TMEM132D: variants seen among roughly 807,000 people sequenced by gnomAD.
The protein encoded by TMEM132D is transmembrane protein 132D.
In TMEM132D, 21 loss-of-function variants were observed where a neutral mutation model predicts 62.3. The ratio of observed to expected loss-of-function variants is 0.34; its 90% CI spans 0.24 to 0.49. The LOEUF is 0.49. Ranked by LOEUF, TMEM132D falls within the 20% of genes least tolerant of loss-of-function variation. The pLI is 0.99. For synonymous variants in TMEM132D, 621 were observed against 575.6 expected (o/e 1.08, Z -1.13); for missense variants, 1,346 against 1,402.8 (o/e 0.96, Z 0.65).
chr12:129,163,708 C>T (rs759503663), intron 5 of TMEM132D, among the ~76,000 whole-genome samples: 3 of 152,244 alleles, frequency 2.0e-5, no homozygotes, highest in Non-Finnish European at 1.5e-5. Flanking sequence ...GTGTTAATGG[C>T]TTCCCATTGT....
chr12:129,888,958 G>A lies in TMEM132D; in HGVS notation c.79+14303C>T, dbSNP rs983843981. ...TTCTGGCCACAGTGACTTGAGTCGGGGAAGTCCCAAGAAGCATTATGGTCT... is the reference window on the plus strand; with the variant it reads ...TTCTGGCCACAGTGACTTGAGTCGGAGAAGTCCCAAGAAGCATTATGGTCT... On this transcript the variant is annotated intron_variant, in intron 1 of 8. Transcript: ENST00000422113. Among the ~76,000 whole-genome samples, 55 of 152,324 alleles carry A rather than the reference G, an allele frequency of 3.6e-4. 2 individuals are homozygous for A. The highest frequency in any genetic ancestry group is 1.3e-3 in the African/African-American group (55 of 41,570).
chr12:129,674,341 C>G (rs908537804), intron 2 of TMEM132D, among the ~76,000 whole-genome samples: 4 of 152,170 alleles, frequency 2.6e-5, no homozygotes, highest in Non-Finnish European at 4.4e-5. Flanking sequence ...TCTTCATGCA[C>G]TTAGATTTCA....
In TMEM132D at chr12:129,271,110, T is replaced by C. The variant is rs565968750; in HGVS notation, c.1300-61447A>G. ...TTGGAGTGCATTTTTCCCAAAGCAA[T>C]AGGTTTTAAGTAATGTTTGTGAAAC... On this transcript the variant is annotated intron_variant, in intron 4 of 8. Coordinates refer to ENST00000422113, the MANE Select transcript of TMEM132D (RefSeq NM_133448.3). Among the ~76,000 whole-genome samples, 173 of 152,196 alleles carry C rather than the reference T, an allele frequency of 1.1e-3. 1 individual carries two copies. The highest frequency in any genetic ancestry group is 3.9e-3 in the African/African-American group (164 of 41,532).
At chr12:129,542,765 T>C (rs1461757944) in intron 2 of TMEM132D, among the ~76,000 whole-genome samples, 1 of 152,198 alleles carries the variant, frequency 6.6e-6, no homozygotes, top group African/African-American at 2.4e-5. Context: ...CACGACATTT[T>C]AGTCATCAAT....
At position 129,443,777 on chromosome 12, in the gene TMEM132D, C is replaced by A. The variant is rs796800570; in HGVS notation, c.1115+87282G>T. ...CAGAGGATGTGTGTCCTTCTCAGAT[C>A]TGAATATGAGTGTGCAAGCCAGGCC... On this transcript the variant is annotated intron_variant, in intron 3 of 8. Transcript: ENST00000422113. Among the ~76,000 whole-genome samples, 28 of 152,310 alleles carry A rather than the reference C, an allele frequency of 1.8e-4. 1 individual carries two copies. The highest frequency in any genetic ancestry group is 6.5e-4 in the African/African-American group (27 of 41,564).
intron 3 of TMEM132D, among the ~76,000 whole-genome samples, chr12:129,490,710 C>A (rs1421997704): frequency 6.8e-6 from 1 of 147,772 alleles, no homozygotes; most frequent in Non-Finnish European, 1.5e-5. Context: ...GCCTCGGCCT[C>A]CCAAAGTGCT....
At chr12:129,323,264 G>A (rs186838084) in intron 4 of TMEM132D, among the ~76,000 whole-genome samples, 83 of 152,074 alleles carry the variant, frequency 5.5e-4, no homozygotes, top group Admixed American at 7.9e-4. Flanking sequence ...AAAAAAAAGC[G>A]TAAATAGCAA....
chr12:129,875,161 C>T (rs998393373), intron 1 of TMEM132D, among the ~76,000 whole-genome samples: 1 of 152,236 alleles, frequency 6.6e-6, no homozygotes, highest in Non-Finnish European at 1.5e-5. Context: ...ACAGAGACCG[C>T]ATGGCCTGCC....
At chr12:129,556,459 G>A (rs1877060514) in intron 2 of TMEM132D, among the ~76,000 whole-genome samples, 1 of 151,384 alleles carries the variant, frequency 6.6e-6, no homozygotes, top group African/African-American at 2.4e-5. Context: ...CTGGCAATGG[G>A]GTGGAGCTTT....
chr12:129,584,374 A>T (rs1475020362), intron 2 of TMEM132D, among the ~76,000 whole-genome samples: 1 of 152,232 alleles, frequency 6.6e-6, no homozygotes, highest in Non-Finnish European at 1.5e-5. Flanking sequence ...CTTGCTTAAA[A>T]GAATAGCCTC....
chr12:129,878,171 A>G (rs1874487571), intron 1 of TMEM132D, among the ~76,000 whole-genome samples: 2 of 152,210 alleles, frequency 1.3e-5, no homozygotes, highest in Non-Finnish European at 2.9e-5. Flanking sequence ...GATTCACCTC[A>G]GGTCCCTTGT....
At chr12:129,432,135 ATG>A (rs1872670604) in intron 3 of TMEM132D, among the ~76,000 whole-genome samples, 1 of 145,420 alleles carries the variant, frequency 6.9e-6, no homozygotes, top group Admixed American at 6.9e-5. Context: ...GGATGGATGG[ATG>A]GATGGATGGA....
At chr12:129,385,234 T>C (rs1871078035) in intron 3 of TMEM132D, among the ~76,000 whole-genome samples, 1 of 151,498 alleles carries the variant, frequency 6.6e-6, no homozygotes, top group African/African-American at 2.4e-5. Context: ...GCCTCCCGAG[T>C]AGTGGGGATT....
At chr12:129,796,796 T>C (rs1871575758) in intron 1 of TMEM132D, among the ~76,000 whole-genome samples, 1 of 152,074 alleles carries the variant, frequency 6.6e-6, no homozygotes, top group Non-Finnish European at 1.5e-5. Context: ...AGTTGATGGG[T>C]GCAGCAAACC....
chr12:129,351,612 T>C (rs1869864346), intron 3 of TMEM132D, among the ~76,000 whole-genome samples: 1 of 152,200 alleles, frequency 6.6e-6, no homozygotes, highest in Admixed American at 6.5e-5. Flanking sequence ...CTCACATCTC[T>C]GCCATTGCTG....
chr12:129,167,070 GA>G (rs1418228632), intron 5 of TMEM132D, among the ~76,000 whole-genome samples: 2 of 151,408 alleles, frequency 1.3e-5, no homozygotes, highest in Non-Finnish European at 2.9e-5. Context: ...TGAGGTGGGA[GA>G]ATCACTTGAA....
intron 3 of TMEM132D, among the ~76,000 whole-genome samples, chr12:129,418,094 GT>G (rs1872183888): frequency 6.6e-6 from 1 of 152,220 alleles, no homozygotes; most frequent in Admixed American, 6.5e-5. Flanking sequence ...CTTTTACACT[GT>G]TGGTGGAACT....
Position 129,076,089 on chromosome 12 carries a change from T to TACTC in TMEM132D, c.2116-1034_2116-1031dup, listed in dbSNP as rs1874244701. ...TCAGCAATGCTGAGCCAGCCAGCATTACTCTCTCTCTCTCGAACTTGAAAC... is the reference window on the plus strand; with the variant it reads ...TCAGCAATGCTGAGCCAGCCAGCATTACTCACTCTCTCTCTCTCGAACTTGAAAC... On this transcript the variant is annotated intron_variant, in intron 8 of 8. Transcript: ENST00000422113. Among the ~76,000 whole-genome samples, 8 of 126,684 alleles carry TACTC rather than the reference T, an allele frequency of 6.3e-5. No homozygotes were observed. In the South Asian group the frequency reaches 1.6e-3, roughly 25 times the overall value. 83.1% of individuals were successfully genotyped at this position (126,684 alleles called of 152,430 possible). A position where few individuals can be genotyped will look rare whatever the true frequency, so the allele number is the denominator to read the frequency against.
chr12:129,154,649 T>C (rs1490167357), intron 5 of TMEM132D, among the ~76,000 whole-genome samples: 1 of 152,252 alleles, frequency 6.6e-6, no homozygotes, highest in African/African-American at 2.4e-5. Flanking sequence ...TTCCCTGTGA[T>C]ATCTATATCT....
Sources: gnomAD v4.1 joint callset for allele counts (sites outside exome capture counted in the v4.1 genomes callset) on GRCh38, gnomAD v4.1.1 for gene constraint, MANE v1.5 for transcripts, NCBI Gene and HGNC (gene_info 2026-07-23, HGNC 2026-07-21) for gene names.